CACNB4: variants seen among roughly 807,000 people sequenced by gnomAD.
CACNB4 encodes the protein calcium voltage-gated channel auxiliary subunit beta 4, also known as voltage-dependent L-type calcium channel subunit beta-4.
CACNB4 carries 32 observed loss-of-function variants against 71.2 expected under a neutral mutation model. The ratio of observed to expected loss-of-function variants is 0.45; its 90% CI spans 0.34 to 0.60. The LOEUF (loss-of-function observed/expected upper bound fraction) is 0.60, where lower values mean the gene tolerates loss of function less well. Ranked by LOEUF, CACNB4 falls within the 20% of genes least tolerant of loss-of-function variation. The probability of loss-of-function intolerance (pLI) is 0.01; values close to 1 mark genes in which losing one functional copy is unlikely to be tolerated. For synonymous variants in CACNB4, 231 were observed against 236.9 expected, an observed-to-expected ratio of 0.97 and a Z score of 0.23; for missense variants, 464 against 647.9, an observed-to-expected ratio of 0.72 and a Z score of 3.08.
At chr2:151,876,974 G>A (rs999077481) in intron 4 of CACNB4, among the ~76,000 whole-genome samples, 3 of 145,896 alleles carry the variant, frequency 2.1e-5, no homozygotes, top group Non-Finnish European at 4.5e-5. Flanking sequence ...GTATATATGT[G>A]TATATATACC....
chr2:151,890,075 C>T (rs146176422), intron 2 of CACNB4, among the ~76,000 whole-genome samples: 172 of 152,154 alleles, frequency 1.1e-3, no homozygotes, highest in African/African-American at 3.8e-3. Flanking sequence ...TAATCCAGAG[C>T]GCTTGATAAG....
intron 2 of CACNB4, among the ~76,000 whole-genome samples, chr2:151,958,410 A>T (rs2099868857): frequency 1.3e-5 from 2 of 152,222 alleles, no homozygotes; most frequent in South Asian, 2.1e-4. Context: ...TGAAGTCAGT[A>T]ACTTTCTTAG....
intron 2 of CACNB4, among the ~76,000 whole-genome samples, chr2:151,885,665 G>C (rs991114986): frequency 2.0e-5 from 3 of 152,146 alleles, no homozygotes; most frequent in Non-Finnish European, 2.9e-5. Context: ...CTATAAACCT[G>C]ATAACCGCAA....
intron 2 of CACNB4, among the ~76,000 whole-genome samples, chr2:152,015,917 C>T (rs1683319172): frequency 1.3e-5 from 2 of 152,170 alleles, no homozygotes; most frequent in Admixed American, 6.5e-5. Context: ...TTACGAGATC[C>T]AATTTTAAAA....
chr2:151,874,676 G>T (rs2099845503), intron 5 of CACNB4, among the ~76,000 whole-genome samples: 1 of 152,150 alleles, frequency 6.6e-6, no homozygotes. Flanking sequence ...TTTTGAAATA[G>T]AAAAGCATTC....
intron 2 of CACNB4, among the ~76,000 whole-genome samples, chr2:151,889,987 G>A (rs1400005062): frequency 2.6e-5 from 4 of 152,100 alleles, no homozygotes; most frequent in African/African-American, 4.8e-5. Flanking sequence ...TTGGTGTGAC[G>A]CTAATTGTTA....
chr2:152,082,685 T>C (rs1687427510), intron 2 of CACNB4, among the ~76,000 whole-genome samples: 1 of 152,236 alleles, frequency 6.6e-6, no homozygotes, highest in South Asian at 2.1e-4. Flanking sequence ...GAAGTATTCA[T>C]TCAGGCAGTC....
At chr2:151,985,331 A>G (rs911221209) in intron 2 of CACNB4, among the ~76,000 whole-genome samples, 6 of 152,206 alleles carry the variant, frequency 3.9e-5, no homozygotes, top group African/African-American at 1.4e-4. Flanking sequence ...ATAATTTATT[A>G]CAATTACAAA....
At chr2:151,846,846 T>C in intron 12 of CACNB4, among the ~76,000 whole-genome samples, 1 of 152,140 alleles carries the variant, frequency 6.6e-6, no homozygotes, top group Non-Finnish European at 1.5e-5. Context: ...TGAGCCACTG[T>C]GCCTGAACTT....
chr2:152,049,133 C>G (rs761647045), intron 2 of CACNB4, among the ~76,000 whole-genome samples: 1 of 151,868 alleles, frequency 6.6e-6, no homozygotes, highest in African/African-American at 2.4e-5. Context: ...ACCTTGATAC[C>G]ATTCTCTCCC....
chr2:151,990,209 C>T (rs1681628865), intron 2 of CACNB4, among the ~76,000 whole-genome samples: 1 of 152,216 alleles, frequency 6.6e-6, no homozygotes. Context: ...TGCCCAGCCT[C>T]ATCTCTTGCC....
chr2:151,940,372 G>A (rs780971322), intron 2 of CACNB4, among the ~76,000 whole-genome samples: 10 of 152,180 alleles, frequency 6.6e-5, no homozygotes, highest in Non-Finnish European at 1.5e-4. Flanking sequence ...TACCAGAAGA[G>A]AGAAATGACA....
At chr2:152,012,430 G>A (rs1324787858) in intron 2 of CACNB4, among the ~76,000 whole-genome samples, 1 of 151,960 alleles carries the variant, frequency 6.6e-6, no homozygotes, top group Non-Finnish European at 1.5e-5. Context: ...ATGGTGAAAC[G>A]CAGCCTCTAC....
At chr2:152,006,141 T>C (rs1238035941) in intron 2 of CACNB4, among the ~76,000 whole-genome samples, 1 of 152,200 alleles carries the variant, frequency 6.6e-6, no homozygotes, top group Non-Finnish European at 1.5e-5. Flanking sequence ...CCACTCTGCA[T>C]GCCTTCAAAG....
intron 2 of CACNB4, among the ~76,000 whole-genome samples, chr2:152,089,086 C>G (rs1687827809): frequency 6.6e-6 from 1 of 152,222 alleles, no homozygotes; most frequent in Non-Finnish European, 1.5e-5. Flanking sequence ...TGTCTCCTCA[C>G]AGTACACATG....
intron 2 of CACNB4, among the ~76,000 whole-genome samples, chr2:152,081,027 T>C (rs1687331390): frequency 6.6e-6 from 1 of 152,112 alleles, no homozygotes; most frequent in Non-Finnish European, 1.5e-5. Context: ...AGCCAAAATA[T>C]GTGAGCCAAA....
intron 2 of CACNB4, chr2:151,974,005 C>T: frequency 8.7e-7 from 1 of 1,150,788 alleles, no homozygotes; most frequent in Non-Finnish European, 1.1e-6. Context: ...CTCTGATTGG[C>T]TCGGCTTCCC....
intron 2 of CACNB4, among the ~76,000 whole-genome samples, chr2:151,961,925 C>T (rs2099869769): frequency 6.6e-6 from 1 of 152,070 alleles, no homozygotes; most frequent in South Asian, 2.1e-4. Flanking sequence ...CTCCCAATTG[C>T]ATGCTTTCAT....
chr2:151,971,803 GC>G (rs757358123), intron 2 of CACNB4: 22 of 567,960 alleles, frequency 3.9e-5, no homozygotes, highest in Non-Finnish European at 6.0e-5. Context: ...TTTCAATCCC[GC>G]CCACCTGAAA....
Sources: allele counts gnomAD v4.1 joint callset (sites outside exome capture counted in the v4.1 genomes callset), GRCh38; gene constraint gnomAD v4.1.1; transcripts MANE v1.5; gene names NCBI Gene and HGNC (gene_info 2026-07-23, HGNC 2026-07-21).